Variants in SLC14A2 observed in about 807,000 individuals in gnomAD.
SLC14A2 encodes the protein solute carrier family 14 member 2, also known as urea transporter 2.
Under a neutral mutation model 104.6 loss-of-function variants are expected in SLC14A2, and 91 were observed. The observed-to-expected ratio is 0.87, with a 90% CI of 0.73 to 1.04. SLC14A2 has a LOEUF of 1.04. Among genes scored for constraint, SLC14A2 ranks in the 50% least tolerant of loss-of-function variants. SLC14A2 has a pLI of 0.00. For missense variants in SLC14A2, 1,189 were observed against 1,156.0 expected (o/e 1.03, Z -0.41); for synonymous variants, 476 against 466.4 (o/e 1.02, Z -0.27).
intron 1 of SLC14A2, among the ~76,000 whole-genome samples, chr18:45,389,154 G>C (rs1369406495): frequency 6.6e-6 from 1 of 152,170 alleles, no homozygotes; most frequent in Non-Finnish European, 1.5e-5. Context: ...ATTATGTGCT[G>C]GTGATAAAAA....
chr18:45,170,826 C>G, the SLC14A2 span, among the ~76,000 whole-genome samples: 2 of 152,116 alleles, frequency 1.3e-5, no homozygotes, highest in Non-Finnish European at 2.9e-5. Context: ...GTTTTGATAA[C>G]TGGGAGCAAG....
chr18:45,592,293 A>G (rs144363195), intron 2 of SLC14A2, among the ~76,000 whole-genome samples: 2 of 152,250 alleles, frequency 1.3e-5, no homozygotes, highest in East Asian at 3.9e-4. Flanking sequence ...TCCCCAATCT[A>G]TGAGTCTATA....
intron 2 of SLC14A2, among the ~76,000 whole-genome samples, chr18:45,507,788 C>T (rs561019069): frequency 1.7e-3 from 254 of 152,272 alleles, no homozygotes; most frequent in Non-Finnish European, 3.0e-3. Flanking sequence ...GTGAGAGTGT[C>T]CCTGTAACTC....
chr18:45,677,841 G>T (rs1441009270), intron 18 of SLC14A2, among the ~76,000 whole-genome samples: 1 of 151,992 alleles, frequency 6.6e-6, no homozygotes, highest in African/African-American at 2.4e-5. Flanking sequence ...TTGAGATGAG[G>T]TCTTGCTCTG....
chr18:45,602,180 C>T (rs4890553), intron 2 of SLC14A2, among the ~76,000 whole-genome samples: 90,136 of 152,154 alleles, frequency 0.59, 27,836 homozygotes, highest in East Asian at 0.85. Flanking sequence ...TAGATATGAA[C>T]ATTAAAGGAG....
chr18:45,579,821 C>T (rs34237884), intron 2 of SLC14A2, among the ~76,000 whole-genome samples: 30 of 152,282 alleles, frequency 2.0e-4, no homozygotes, highest in African/African-American at 7.2e-4. Context: ...GCAAATTTTA[C>T]TTGGGGGTGT....
At chr18:45,374,166 A>G (rs2085750640) in intron 1 of SLC14A2, among the ~76,000 whole-genome samples, 1 of 152,188 alleles carries the variant, frequency 6.6e-6, no homozygotes, top group South Asian at 2.1e-4. Context: ...GTCAAAGTAC[A>G]GGTTATTGCA....
At chr18:45,620,737 T>C (rs2045153021) in intron 1 of SLC14A2, among the ~76,000 whole-genome samples, 2 of 152,190 alleles carry the variant, frequency 1.3e-5, no homozygotes, top group African/African-American at 4.8e-5. Flanking sequence ...CCTACCTGTA[T>C]ACTTCAGCCC....
At chr18:45,516,198 C>T (rs2043438383) in intron 2 of SLC14A2, among the ~76,000 whole-genome samples, 1 of 152,106 alleles carries the variant, frequency 6.6e-6, no homozygotes. Flanking sequence ...CCTTTATTTC[C>T]TTTCTCTCCC....
At chr18:45,427,749 C>A (rs527580784) in intron 1 of SLC14A2, among the ~76,000 whole-genome samples, 1 of 152,046 alleles carries the variant, frequency 6.6e-6, no homozygotes, top group African/African-American at 2.4e-5. Flanking sequence ...TGGGAAGAAA[C>A]GGATGTGAGG....
chr18:45,494,915 T>TACACACACACATACAC lies in SLC14A2; in HGVS notation c.-35+11604_-35+11605insTACACACACACACACA, dbSNP rs1555696665. ...AATCGGGTCATCACACACACACACA[T>TACACACACACATACAC]ACACACACACACACACACACACACA... On this transcript the variant is annotated intron_variant, in intron 2 of 20. Coordinates refer to the SLC14A2 transcript ENST00000586448. Among the ~76,000 whole-genome samples the TACACACACACATACAC allele has an allele frequency of 6.4e-4, 95 of 148,746 alleles. 2 individuals carry two copies. The South Asian group carries it at 0.02, about 31-fold the overall frequency.
intron 11 of SLC14A2, among the ~76,000 whole-genome samples, chr18:45,665,141 T>C (rs2045995493): frequency 6.6e-6 from 1 of 152,230 alleles, no homozygotes; most frequent in African/African-American, 2.4e-5. Flanking sequence ...CTGCAGTCCC[T>C]GTCCCTTCAG....
intron 2 of SLC14A2, among the ~76,000 whole-genome samples, chr18:45,526,658 T>C (rs933522936): frequency 6.6e-6 from 1 of 152,056 alleles, no homozygotes; most frequent in Non-Finnish European, 1.5e-5. Flanking sequence ...ATTAGAGAAC[T>C]GAGTCATATA....
chr18:45,276,682 T>C (rs1382794259), intron 1 of SLC14A2, among the ~76,000 whole-genome samples: 6 of 152,238 alleles, frequency 3.9e-5, no homozygotes, highest in Non-Finnish European at 8.8e-5. Flanking sequence ...TAAAGTAAAT[T>C]GTATTCCTAA....
At chr18:45,453,813 C>T (rs2144618782) in intron 1 of SLC14A2, among the ~76,000 whole-genome samples, 1 of 151,264 alleles carries the variant, frequency 6.6e-6, no homozygotes, top group South Asian at 2.1e-4. Flanking sequence ...AACCAAAATT[C>T]CCATAGCAAG....
intron 1 of SLC14A2, among the ~76,000 whole-genome samples, chr18:45,410,177 T>C (rs1026661089): frequency 6.6e-6 from 1 of 152,148 alleles, no homozygotes; most frequent in Non-Finnish European, 1.5e-5. Flanking sequence ...GTAATGCAAG[T>C]GATGGGGAGT....
chr18:45,609,318 A>G (rs1445194296), intron 2 of SLC14A2, among the ~76,000 whole-genome samples: 1 of 151,848 alleles, frequency 6.6e-6, no homozygotes, highest in Non-Finnish European at 1.5e-5. Context: ...ATCTATCTAA[A>G]ACTTCCCAAT....
chr18:45,560,323 C>G (rs993242194), intron 2 of SLC14A2, among the ~76,000 whole-genome samples: 1 of 152,186 alleles, frequency 6.6e-6, no homozygotes, highest in Non-Finnish European at 1.5e-5. Flanking sequence ...AGGTCAGTAA[C>G]TGACCATTGC....
At position 45,598,961 on chromosome 18, in the gene SLC14A2, A is replaced by C. The variant is rs185718870; in HGVS notation, c.-34-25670A>C. 3.3e-5 allele frequency among the ~76,000 whole-genome samples: 5 copies of C among 152,298 alleles called. No individual in the cohort carries two copies. The East Asian group carries it at 9.6e-4, about 29-fold the overall frequency. On this transcript the variant is annotated intron_variant, in intron 2 of 20. Coordinates refer to the SLC14A2 transcript ENST00000586448. Reference sequence around the variant, plus strand: ...ATATTAAACTCGTTTTCTCTTTCTGAATCTTCTTCTCTCATCAAATCATGT... The same window carrying C: ...ATATTAAACTCGTTTTCTCTTTCTGCATCTTCTTCTCTCATCAAATCATGT...
Sources: gnomAD v4.1 joint callset for allele counts (sites outside exome capture counted in the v4.1 genomes callset) on GRCh38, gnomAD v4.1.1 for gene constraint, MANE v1.5 for transcripts, NCBI Gene and HGNC (gene_info 2026-07-23, HGNC 2026-07-21) for gene names.